PLA2G1B: variants seen among roughly 807,000 people sequenced by gnomAD.
PLA2G1B encodes phospholipase A2 group IB, also known as phospholipase A2.
Under a neutral mutation model 12.5 loss-of-function variants are expected in PLA2G1B, and 12 were observed. The ratio of observed to expected loss-of-function variants is 0.96; its 90% CI spans 0.62 to 1.56. The LOEUF is 1.56. Among genes scored for constraint, PLA2G1B ranks in the 40% most tolerant of loss-of-function variants. The pLI, the probability that PLA2G1B is intolerant of heterozygous loss-of-function variation, is 0.00. For missense variants in PLA2G1B, 189 were observed against 186.7 expected, an observed-to-expected ratio of 1.01 and a Z score of -0.07; for synonymous variants, 81 against 73.4, an observed-to-expected ratio of 1.10 and a Z score of -0.53.
chr12:120,322,160 G>A lies in PLA2G1B; in HGVS notation c.*33C>T. 6.2e-7 allele frequency: 1 copy of A among 1,609,242 alleles called. No individual in the cohort carries two copies. The highest frequency in any genetic ancestry group is 8.5e-7 in the Non-Finnish European group (1 of 1,176,840). On this transcript the variant is annotated 3_prime_UTR_variant, in exon 4 of 4. Transcript: ENST00000308366. ...ATTGGAGAGTACAGTGTGAGATGAG[G>A]CAGATAGAGGTGATGCTTTTGAGAG...
Position 120,327,732 on chromosome 12 carries a change from C to T in PLA2G1B, c.22G>A (p.Val8Met), listed in dbSNP as rs1478044888. ...GAGACTTGCCTACCTGTGAGCAGCA[C>T]AGCTAGCACAAGGAGTTTCATCTTG... MKLLVLA[V>M]LLTVAAADSG... Residue 8 changes from valine (V) to methionine (M), a missense_variant, in exon 1 of 4, where the codon GTG becomes ATG. Coordinates refer to ENST00000308366, the MANE Select transcript of PLA2G1B (RefSeq NM_000928.3). 1 of 1,613,906 alleles carries T rather than the reference C, an allele frequency of 6.2e-7. No individual in the cohort carries two copies. The highest frequency in any genetic ancestry group is 1.3e-5 in the African/African-American group (1 of 74,926).
intron 3 of PLA2G1B, 121 bp downstream of exon 3, chr12:120,324,813 A>G: frequency 1.0e-6 from 1 of 964,018 alleles, no homozygotes; most frequent in African/African-American, 1.6e-5. Flanking sequence ...CTGAGGATTA[A>G]AGGAGACACT....
intron 2 of PLA2G1B, 21 bp from the exon 3 acceptor site, chr12:120,325,082 C>T: frequency 6.2e-7 from 1 of 1,613,728 alleles, no homozygotes; most frequent in Non-Finnish European, 8.5e-7. Context: ...GGAGGGACAG[C>T]TGAGATAGGA....
At chr12:120,324,259 G>A (rs1873293133) in intron 3 of PLA2G1B, among the ~76,000 whole-genome samples, 1 of 152,090 alleles carries the variant, frequency 6.6e-6, no homozygotes, top group African/African-American at 2.4e-5. Flanking sequence ...GTTGCAGTGA[G>A]CTGAACGGAG....
intron 1 of PLA2G1B, 163 bp from the exon 2 acceptor site, chr12:120,326,183 GTT>G (rs11328110): frequency 0.093 from 30,933 of 333,966 alleles, 130 homozygotes; most frequent in East Asian, 0.14. Context: ...GTGGGTAGAG[GTT>G]TTTTTTTTTT....
chr12:120,323,104 G>A (rs551368124), intron 3 of PLA2G1B, among the ~76,000 whole-genome samples: 1 of 152,208 alleles, frequency 6.6e-6, no homozygotes, highest in African/African-American at 2.4e-5. Flanking sequence ...AGATATTTAT[G>A]TAGAGTTTGA....
intron 1 of PLA2G1B, among the ~76,000 whole-genome samples, chr12:120,326,429 G>A (rs1238326585): frequency 6.8e-6 from 1 of 145,990 alleles, no homozygotes; most frequent in Non-Finnish European, 1.5e-5. Flanking sequence ...TGCAAACTCT[G>A]CTTCCCGGGT....
intron 3 of PLA2G1B, among the ~76,000 whole-genome samples, chr12:120,322,609 G>A (rs928959306): frequency 6.6e-6 from 1 of 151,988 alleles, no homozygotes; most frequent in Non-Finnish European, 1.5e-5. Flanking sequence ...TTTTTAAGAC[G>A]GAGTTTCCCT....
At chr12:120,325,232 A>AT (rs373502630) in intron 2 of PLA2G1B, among the ~76,000 whole-genome samples, 171 bp from the exon 3 acceptor site, 2,613 of 146,854 alleles carry the variant, frequency 0.018, 43 homozygotes, top group African/African-American at 0.042. Flanking sequence ...TATTGAAAGC[A>AT]TTTTTTTTTT....
intron 1 of PLA2G1B, among the ~76,000 whole-genome samples, chr12:120,327,513 A>C (rs1360576012): frequency 6.6e-6 from 1 of 152,180 alleles, no homozygotes; most frequent in Non-Finnish European, 1.5e-5. Flanking sequence ...TAGCTCAGGC[A>C]ATCTGAGTTC....
intron 3 of PLA2G1B, among the ~76,000 whole-genome samples, chr12:120,323,193 A>G (rs1026053679): frequency 2.0e-5 from 3 of 152,200 alleles, no homozygotes; most frequent in African/African-American, 4.8e-5. Flanking sequence ...TTTAAACTTT[A>G]TTACATATAA....
intron 3 of PLA2G1B, among the ~76,000 whole-genome samples, chr12:120,323,803 A>G (rs1212620185): frequency 6.6e-6 from 1 of 152,210 alleles, no homozygotes; most frequent in Non-Finnish European, 1.5e-5. Context: ...AAAAACAGTA[A>G]CAATAAAGGT....
chr12:120,322,608 C>T (rs981906237), intron 3 of PLA2G1B, among the ~76,000 whole-genome samples: 37 of 152,150 alleles, frequency 2.4e-4, no homozygotes, highest in South Asian at 1.5e-3. Context: ...GTTTTTAAGA[C>T]GGAGTTTCCC....
chr12:120,325,890 GC>G lies in PLA2G1B; in HGVS notation c.164del (p.Gly55AlafsTer119). On this transcript the variant is annotated frameshift_variant, in exon 2 of 4. Coordinates refer to ENST00000308366, the MANE Select transcript of PLA2G1B (RefSeq NM_000928.3). LOFTEE classifies it high-confidence loss of function. ...CCAGTTCATCCACGGGGGTGCCTGA[GC>G]CCCCCAAGCCACAGTAGCAGCCGTA... ...NNYGCYCGLG[G>X]SGTPVDELDK... 6.2e-7 allele frequency: 1 copy of G among 1,613,278 alleles called. No homozygotes were observed. Among genetic ancestry groups the G allele is most frequent in the Admixed American group, 1.7e-5 (1 of 59,966 alleles).
At chr12:120,323,209 G>T (rs952048209) in intron 3 of PLA2G1B, among the ~76,000 whole-genome samples, 4 of 151,928 alleles carry the variant, frequency 2.6e-5, no homozygotes, top group East Asian at 1.9e-4. Flanking sequence ...TATAATTTAC[G>T]TATCTCTGCT....
intron 2 of PLA2G1B, 96 bp from the exon 3 acceptor site, chr12:120,325,157 G>T (rs1004225717): frequency 6.7e-6 from 8 of 1,191,150 alleles, no homozygotes; most frequent in Non-Finnish European, 9.9e-6. Flanking sequence ...GGATGACTTC[G>T]CCAAGATGCT....
At chr12:120,326,085 TGCTCCCTCGGGTCCCAC>T in intron 1 of PLA2G1B, 65 bp from the exon 2 acceptor site, 1 of 1,560,970 alleles carries the variant, frequency 6.4e-7, no homozygotes, top group Non-Finnish European at 8.7e-7. Flanking sequence ...ACTGCCTTCC[TGCTCCCTCGGGTCCCAC>T]GCTGCCTCCC....
chr12:120,325,201 T>C (rs1029935967), intron 2 of PLA2G1B, 140 bp from the exon 3 acceptor site: 1 of 784,538 alleles, frequency 1.3e-6, no homozygotes, highest in Non-Finnish European at 2.0e-6. Context: ...TGAAAAAATA[T>C]AAGTCCTTTT....
At position 120,325,862 on chromosome 12, in the gene PLA2G1B, TG is replaced by T. The variant is rs758050459; in HGVS notation, c.192del (p.Asp64GlufsTer110). The T allele has an allele frequency of 6.2e-7, 1 of 1,613,884 alleles. No individual in the cohort carries two copies. The highest frequency in any genetic ancestry group is 2.2e-5 in the East Asian group (1 of 44,854). ...GGSGTPVDEL[D>X]KCCQTHDNCY... ...TTTTCCTGCAGGCGGATCACTTACT[TG>T]TCCAGTTCATCCACGGGGGTGCCTG... is the stretch of plus-strand genomic sequence containing the variant. On this transcript the variant is annotated frameshift_variant and splice_region_variant, in exon 2 of 4. Transcript: ENST00000308366. LOFTEE classifies it high-confidence loss of function.
Sources: gnomAD v4.1 joint callset for allele counts (sites outside exome capture counted in the v4.1 genomes callset) on GRCh38, gnomAD v4.1.1 for gene constraint, MANE v1.5 for transcripts, NCBI Gene and HGNC (gene_info 2026-07-23, HGNC 2026-07-21) for gene names.